Variants in C1QTNF3 observed in about 807,000 individuals in gnomAD.
The protein encoded by C1QTNF3 is complement C1q tumor necrosis factor-related protein 3.
A neutral mutation model predicts 32.6 loss-of-function variants in C1QTNF3; 26 were observed. The observed-to-expected ratio is 0.80, with a 90% CI of 0.58 to 1.11. The LOEUF is 1.11. Among genes scored for constraint, C1QTNF3 ranks in the 50% least tolerant of loss-of-function variants. The pLI is 0.00. For missense variants in C1QTNF3, 362 were observed against 398.2 expected, an observed-to-expected ratio of 0.91 and a Z score of 0.77; for synonymous variants, 155 against 146.0, an observed-to-expected ratio of 1.06 and a Z score of -0.44.
chr5:34,130,021 T>G, the C1QTNF3 span, among the ~76,000 whole-genome samples: 1 of 152,098 alleles, frequency 6.6e-6, no homozygotes, highest in Non-Finnish European at 1.5e-5. Flanking sequence ...TCTATGGAAA[T>G]TTTTATTTTC....
At chr5:34,229,596 G>A in the C1QTNF3 span, among the ~76,000 whole-genome samples, 3 of 152,164 alleles carry the variant, frequency 2.0e-5, no homozygotes, top group Non-Finnish European at 4.4e-5. Context: ...GACTATCATA[G>A]ATTTTAGATG....
At chr5:34,042,368 A>G (rs909190977) in intron 1 of C1QTNF3, among the ~76,000 whole-genome samples, 3 of 152,178 alleles carry the variant, frequency 2.0e-5, no homozygotes, top group Non-Finnish European at 4.4e-5. Flanking sequence ...ATCAAAGTAA[A>G]AAAACTTTGA....
the C1QTNF3 span, among the ~76,000 whole-genome samples, chr5:34,235,873 C>A: frequency 6.6e-6 from 1 of 152,266 alleles, no homozygotes; most frequent in Non-Finnish European, 1.5e-5. Context: ...GACAACTACA[C>A]TCAACAACAT....
chr5:34,024,967 T>C (rs1301922032), intron 4 of C1QTNF3, among the ~76,000 whole-genome samples: 2 of 152,216 alleles, frequency 1.3e-5, no homozygotes, highest in African/African-American at 4.8e-5. Flanking sequence ...TAATAGAAGA[T>C]AGTTCTATTT....
the C1QTNF3 span, among the ~76,000 whole-genome samples, chr5:34,207,001 G>C: frequency 6.6e-6 from 1 of 152,186 alleles, no homozygotes; most frequent in African/African-American, 2.4e-5. Context: ...AGCCACATAG[G>C]GAGTGTGCAA....
chr5:34,018,056 A>C lies in C1QTNF3; in HGVS notation c.*2527T>G, dbSNP rs1754237989. On this transcript the variant is annotated 3_prime_UTR_variant, in exon 6 of 6. Transcript: ENST00000382065. ...GTCCAACCCATTAGAGCAAGATACA[A>C]AAATATATAAAAAGCTAATTTCAAA... Among the ~76,000 whole-genome samples the C allele has an allele frequency of 6.6e-6, 1 of 151,976 alleles. No individual in the cohort carries two copies. The highest frequency in any genetic ancestry group is 2.1e-4 in the South Asian group (1 of 4,832).
At chr5:34,027,648 A>T (rs1374958033) in intron 4 of C1QTNF3, among the ~76,000 whole-genome samples, 1 of 148,028 alleles carries the variant, frequency 6.8e-6, no homozygotes, top group African/African-American at 2.5e-5. Context: ...CAGAAGTTGC[A>T]GTGGGCTGAG....
At chr5:34,229,441 T>C in the C1QTNF3 span, among the ~76,000 whole-genome samples, 29 of 152,264 alleles carry the variant, frequency 1.9e-4, no homozygotes, top group East Asian at 4.6e-3. Flanking sequence ...AATCTTGACA[T>C]AAACTAACAT....
chr5:34,087,832 C>T, the C1QTNF3 span, among the ~76,000 whole-genome samples: 1 of 152,232 alleles, frequency 6.6e-6, no homozygotes, highest in Non-Finnish European at 1.5e-5. Context: ...GATCTCTCTG[C>T]CTTGGACTCC....
chr5:34,194,995 G>T, the C1QTNF3 span, among the ~76,000 whole-genome samples: 1 of 152,208 alleles, frequency 6.6e-6, no homozygotes, highest in African/African-American at 2.4e-5. Context: ...CCAATCCTTG[G>T]TTGGCTTAAC....
At chr5:34,069,887 C>A in the C1QTNF3 span, among the ~76,000 whole-genome samples, 1 of 152,068 alleles carries the variant, frequency 6.6e-6, no homozygotes, top group Non-Finnish European at 1.5e-5. Flanking sequence ...TCACATAGAA[C>A]AGAGGTATTG....
the C1QTNF3 span, among the ~76,000 whole-genome samples, chr5:34,137,752 G>T: frequency 6.6e-6 from 1 of 152,138 alleles, no homozygotes; most frequent in Admixed American, 6.5e-5. Context: ...ATTTACATTT[G>T]TATAAACATA....
At chr5:34,213,798 TATATATATATA>T in the C1QTNF3 span, among the ~76,000 whole-genome samples, 36 of 2,810 alleles carry the variant, frequency 0.013, 2 homozygotes, top group Admixed American at 0.044. Flanking sequence ...TATATATATA[TATATATATATA>T]TTTTTTTTTT....
At chr5:34,125,922 A>G in the C1QTNF3 span, among the ~76,000 whole-genome samples, 6 of 152,290 alleles carry the variant, frequency 3.9e-5, no homozygotes, top group African/African-American at 9.6e-5. Context: ...TTATTATGTG[A>G]CTATTTGAGT....
chr5:34,109,851 C>T, the C1QTNF3 span, among the ~76,000 whole-genome samples: 1 of 152,276 alleles, frequency 6.6e-6, no homozygotes, highest in Non-Finnish European at 1.5e-5. Flanking sequence ...TTAGCAAGGG[C>T]TGTTGAATGG....
At chr5:34,108,500 A>T in the C1QTNF3 span, among the ~76,000 whole-genome samples, 2 of 152,132 alleles carry the variant, frequency 1.3e-5, no homozygotes, top group African/African-American at 2.4e-5. Context: ...GGAGACACTT[A>T]TATTTTGCAG....
At chr5:34,221,221 T>C in the C1QTNF3 span, among the ~76,000 whole-genome samples, 1 of 152,150 alleles carries the variant, frequency 6.6e-6, no homozygotes, top group Non-Finnish European at 1.5e-5. Context: ...GTATTTCTAT[T>C]TATGTCATTT....
the C1QTNF3 span, among the ~76,000 whole-genome samples, chr5:34,137,762 A>G: frequency 6.6e-6 from 1 of 152,204 alleles, no homozygotes; most frequent in East Asian, 1.9e-4. Flanking sequence ...GTATAAACAT[A>G]GTACTGTTCT....
chr5:34,114,500 A>G, the C1QTNF3 span, among the ~76,000 whole-genome samples: 1 of 152,274 alleles, frequency 6.6e-6, no homozygotes, highest in Non-Finnish European at 1.5e-5. Context: ...TGAGACATCT[A>G]TGTCCTTTAA....
Sources: allele counts gnomAD v4.1 joint callset (sites outside exome capture counted in the v4.1 genomes callset), GRCh38; gene constraint gnomAD v4.1.1; transcripts MANE v1.5; gene names NCBI Gene and HGNC (gene_info 2026-07-23, HGNC 2026-07-21).